Variants in CNKSR2 observed in about 807,000 individuals in gnomAD.
CNKSR2 encodes the protein connector enhancer of kinase suppressor of Ras 2.
CNKSR2 carries 14 observed loss-of-function variants against 84.4 expected under a neutral mutation model. The ratio of observed to expected loss-of-function variants is 0.17; its 90% CI spans 0.11 to 0.26. The LOEUF is 0.26. Among genes scored for constraint, CNKSR2 ranks in the 10% least tolerant of loss-of-function variants. CNKSR2 has a pLI of 1.00. For missense variants in CNKSR2, 485 were observed against 771.2 expected (o/e 0.63, Z 4.40); for synonymous variants, 275 against 277.9 (o/e 0.99, Z 0.10).
At chrX:21,428,532 A>G (rs755039245) in intron 2 of CNKSR2, 6 of 111,765 alleles carry the variant, frequency 5.4e-5, no homozygotes, top group African/African-American at 1.9e-4. Flanking sequence ...TAAGCTGTTC[A>G]TGATTTGGAG....
At chrX:21,638,058 G>T (rs1250198997) in intron 20 of CNKSR2, among the ~76,000 whole-genome samples, 2 of 111,337 alleles carry the variant, frequency 1.8e-5, no homozygotes, top group African/African-American at 6.5e-5. Flanking sequence ...AACAGAATTA[G>T]GAATCTTTGT....
intron 11 of CNKSR2, among the ~76,000 whole-genome samples, chrX:21,554,158 G>A (rs1317310356): frequency 5.4e-5 from 6 of 111,519 alleles, no homozygotes; most frequent in Non-Finnish European, 1.1e-4. Context: ...AAGGTAATTT[G>A]GTTCAAAATA....
At chrX:21,432,504 A>T (rs1005416530) in intron 2 of CNKSR2, 108 bp from the exon 3 acceptor site, 3 of 550,843 alleles carry the variant, frequency 5.4e-6, no homozygotes. Flanking sequence ...ATTCATTTGT[A>T]ACTCGAATGC....
intron 20 of CNKSR2, among the ~76,000 whole-genome samples, chrX:21,625,716 A>G (rs1437109058): frequency 1.8e-5 from 2 of 112,028 alleles, no homozygotes; most frequent in African/African-American, 3.2e-5. Context: ...TAGAAATAGC[A>G]TTCTTTGACC....
intron 4 of CNKSR2, among the ~76,000 whole-genome samples, chrX:21,446,921 G>A (rs1442822131): frequency 9.0e-6 from 1 of 111,318 alleles, no homozygotes; most frequent in Non-Finnish European, 1.9e-5. Flanking sequence ...TCATGAATCT[G>A]CCCTCTAATT....
At position 21,563,451 on chromosome X, in the gene CNKSR2, A is replaced by G; in HGVS notation, c.1607A>G (p.His536Arg). 3.4e-6 allele frequency: 4 copies of G among 1,182,504 alleles called. No homozygotes were observed. The highest frequency in any genetic ancestry group is 4.6e-6 in the Non-Finnish European group (4 of 874,160). Reference protein sequence around the residue: ...GTPVPETTLYHTFQQSSLQHK... With the variant: ...GTPVPETTLYRTFQQSSLQHK... ...CCTGTGCCAGAGACCACACTATACCATGTAAGTAAAATTTCAAAGACTCTT... is the reference window on the plus strand; with the variant it reads ...CCTGTGCCAGAGACCACACTATACCGTGTAAGTAAAATTTCAAAGACTCTT... Residue 536 changes from histidine to arginine, a missense_variant and splice_region_variant, in exon 13 of 22, where the codon CAT becomes CGT. Coordinates refer to ENST00000379510, the MANE Select transcript of CNKSR2 (RefSeq NM_014927.5).
rs752855964 is a variant in CNKSR2, at chrX:21,487,986, C to T, written c.562-2473C>T. On this transcript the variant is annotated intron_variant, in intron 5 of 21. Transcript: ENST00000379510. ...CAAGTCACCCTCCCACAAAGCTGGCCCTGAAGGGTTTCCTATTTCAGGGGA... is the reference window on the plus strand; with the variant it reads ...CAAGTCACCCTCCCACAAAGCTGGCTCTGAAGGGTTTCCTATTTCAGGGGA... Among the ~76,000 whole-genome samples, 9 of 112,294 alleles carry T rather than the reference C, an allele frequency of 8.0e-5. No homozygotes were observed. The East Asian group carries it at 2.3e-3, about 28-fold the overall frequency.
chrX:21,398,377 T>C (rs2090146558), intron 1 of CNKSR2, among the ~76,000 whole-genome samples: 1 of 112,346 alleles, frequency 8.9e-6, no homozygotes, highest in African/African-American at 3.2e-5. Flanking sequence ...CATTGTATGA[T>C]TTTTATTCTA....
intron 1 of CNKSR2, among the ~76,000 whole-genome samples, chrX:21,404,908 T>C (rs891238568): frequency 6.3e-5 from 7 of 110,791 alleles, no homozygotes; most frequent in African/African-American, 2.0e-4. Flanking sequence ...CCCTCACTTA[T>C]TTGAAATGCT....
chrX:21,559,201 A>G (rs2092165774), intron 11 of CNKSR2, among the ~76,000 whole-genome samples: 1 of 110,612 alleles, frequency 9.0e-6, no homozygotes, highest in Non-Finnish European at 1.9e-5. Context: ...AGAGACACAC[A>G]GCAAAGGAGA....
At chrX:21,627,628 C>G (rs971131724) in intron 20 of CNKSR2, among the ~76,000 whole-genome samples, 10 of 112,059 alleles carry the variant, frequency 8.9e-5, no homozygotes, top group Non-Finnish European at 1.7e-4. Context: ...CATGGATGGC[C>G]TCAGGCAAAG....
chrX:21,492,748 A>AT (rs2091455113), intron 6 of CNKSR2: 1 of 111,917 alleles, frequency 8.9e-6, no homozygotes, highest in Admixed American at 9.5e-5. Context: ...GTATAAAACT[A>AT]TTTTTTGTGA....
intron 3 of CNKSR2, among the ~76,000 whole-genome samples, chrX:21,433,324 T>C (rs916068289): frequency 6.3e-5 from 7 of 111,672 alleles, no homozygotes; most frequent in African/African-American, 1.9e-4. Flanking sequence ...ACTTTTAGAC[T>C]TTTTTAAGTT....
intron 20 of CNKSR2, among the ~76,000 whole-genome samples, chrX:21,617,647 G>A (rs967713619): frequency 9.0e-6 from 1 of 111,213 alleles, no homozygotes; most frequent in Non-Finnish European, 1.9e-5. Flanking sequence ...CTCAGTGTGA[G>A]TTAGGGATAT....
chrX:21,469,401 T>G (rs1007104594), intron 4 of CNKSR2, among the ~76,000 whole-genome samples: 2 of 111,946 alleles, frequency 1.8e-5, no homozygotes, highest in African/African-American at 6.5e-5. Flanking sequence ...GATCTGCATA[T>G]GTATTTCTTC....
intron 13 of CNKSR2, among the ~76,000 whole-genome samples, chrX:21,576,050 G>T (rs1398580921): frequency 1.8e-5 from 2 of 111,929 alleles, no homozygotes; most frequent in Non-Finnish European, 3.8e-5. Flanking sequence ...CAAAACACCA[G>T]CAAGGGTACA....
rs755358055 is a variant in CNKSR2, at chrX:21,481,375, A to G, written c.562-9084A>G. Among the ~76,000 whole-genome samples, 367 of 111,658 alleles carry G rather than the reference A, an allele frequency of 3.3e-3. 2 individuals carry two copies. The highest frequency in any genetic ancestry group is 0.011 in the African/African-American group (340 of 30,744). Reference sequence around the variant, plus strand: ...GTAGATGACCTCGAAATCTAATTCTAAGGTCATAAATTATAGACATTTAAT... The same window carrying G: ...GTAGATGACCTCGAAATCTAATTCTGAGGTCATAAATTATAGACATTTAAT... On this transcript the variant is annotated intron_variant, in intron 5 of 21. Transcript: ENST00000379510.
intron 5 of CNKSR2, among the ~76,000 whole-genome samples, chrX:21,480,165 A>G (rs1179256926): frequency 9.0e-6 from 1 of 111,498 alleles, no homozygotes; most frequent in Non-Finnish European, 1.9e-5. Flanking sequence ...GCACTGAAGG[A>G]TGAATTGAGC....
Position 21,606,890 on chromosome X carries a change from A to C in CNKSR2, c.2145+11A>C, listed in dbSNP as rs2092520556. On this transcript the variant is annotated intron_variant, in intron 19 of 21. Transcript: ENST00000379510. ...CCACGACCTCCCTCGGTAAGTTAGC[A>C]ACAAGAACATTACTTATCACCAGAT... The C allele has an allele frequency of 2.0e-6, 2 of 976,595 alleles. No individual in the cohort carries two copies. The highest frequency in any genetic ancestry group is 2.9e-6 in the Non-Finnish European group (2 of 697,926). The allele number at this position is 976,595 out of a possible 1,213,427, so 80.5% of individuals were successfully genotyped here. A position where few individuals can be genotyped will look rare whatever the true frequency, so the allele number is the denominator to read the frequency against.
Sources: allele counts gnomAD v4.1 joint callset (sites outside exome capture counted in the v4.1 genomes callset), GRCh38; gene constraint gnomAD v4.1.1; transcripts MANE v1.5; gene names NCBI Gene and HGNC (gene_info 2026-07-23, HGNC 2026-07-21).